The following EIF3L variants were observed in gnomAD, a reference collection of about 807,000 sequenced individuals.
The protein encoded by EIF3L is eIEF associated protein HSPC021.
In EIF3L, 32 loss-of-function variants were observed where a neutral mutation model predicts 74.6. The observed-to-expected ratio is 0.43, with a 90% CI of 0.32 to 0.58. The LOEUF (loss-of-function observed/expected upper bound fraction) is 0.58. Among genes scored for constraint, EIF3L ranks in the 20% least tolerant of loss-of-function variants. The probability of loss-of-function intolerance (pLI) is 0.06; values close to 1 mark genes in which losing one functional copy is unlikely to be tolerated. For missense variants in EIF3L, 474 were observed against 707.8 expected (o/e 0.67, Z 3.75); for synonymous variants, 256 against 254.4 (o/e 1.01, Z -0.06).
At position 37,855,796 on chromosome 22, in the gene EIF3L, C is replaced by T. The variant is rs149343401; in HGVS notation, c.373+152C>T. On this transcript the variant is annotated intron_variant, in intron 4 of 12. Transcript: ENST00000652021. Reference sequence around the variant, plus strand: ...GTAGGTCCTTGGCAAAATAACTTGTCGAAGGCTGGATGATTTAAGAGAGGA... The same window carrying T: ...GTAGGTCCTTGGCAAAATAACTTGTTGAAGGCTGGATGATTTAAGAGAGGA... 298 of 582,466 alleles carry T rather than the reference C, an allele frequency of 5.1e-4. 4 individuals carry two copies. Among genetic ancestry groups the T allele is most frequent in the African/African-American group, 4.4e-3 (240 of 54,082 alleles). 36.1% of individuals were successfully genotyped at this position (582,466 alleles called of 1,614,324 possible).
intron 8 of EIF3L, among the ~76,000 whole-genome samples, 167 bp downstream of exon 8, chr22:37,870,514 G>T (rs1261873538): frequency 2.0e-5 from 3 of 152,156 alleles, no homozygotes; most frequent in African/African-American, 7.2e-5. Context: ...GAGTATTTGT[G>T]CTGGGGGCTC....
Position 37,874,386 on chromosome 22 carries a change from G to C in EIF3L, c.768G>C (p.Val256=), listed in dbSNP as rs1926635744. ...CTCTTTCAGGTGACCCTGAGAGTGT[G>C]GCTGGGGAGTATGGGCGGCACTCCC... ...VYTSGGDPES[V]AGEYGRHSLY... is the part of the protein sequence containing the mutation. The change falls in exon 9 of 13, where the codon GTG becomes GTC. Residue 256 remains valine (V), a synonymous_variant. Transcript: ENST00000652021. 6.2e-7 allele frequency: 1 copy of C among 1,614,086 alleles called. No individual in the cohort carries two copies. The highest frequency in any genetic ancestry group is 8.5e-7 in the Non-Finnish European group (1 of 1,179,980).
intron 3 of EIF3L, among the ~76,000 whole-genome samples, chr22:37,853,440 G>A (rs1042969976): frequency 1.3e-5 from 2 of 152,156 alleles, no homozygotes; most frequent in Admixed American, 6.6e-5. Context: ...TTTATTCCCC[G>A]GGTCTTTTCT....
At position 37,873,696 on chromosome 22, in the gene EIF3L, C is replaced by T. The variant is rs116270905; in HGVS notation, c.752-674C>T. Among the ~76,000 whole-genome samples the T allele has an allele frequency of 2.9e-3, 442 of 152,048 alleles. 1 individual carries two copies. Among genetic ancestry groups the T allele is most frequent in the African/African-American group, 0.01 (419 of 41,478 alleles). On this transcript the variant is annotated intron_variant, in intron 8 of 12. Transcript: ENST00000652021. ...TCTCTCTGTTACCCAGGCCAAAATG[C>T]AGTAGCACTTCCATAGATCTCAGTC...
chr22:37,862,876 T>A, intron 5 of EIF3L, 93 bp from the exon 6 acceptor site: 1 of 898,964 alleles, frequency 1.1e-6, no homozygotes, highest in Non-Finnish European at 1.7e-6. Flanking sequence ...ATACCAATTC[T>A]CTTGTATTTG....
chr22:37,852,720 C>G (rs1465527335), intron 3 of EIF3L, among the ~76,000 whole-genome samples: 2 of 151,962 alleles, frequency 1.3e-5, no homozygotes, highest in African/African-American at 4.8e-5. Context: ...CTCTCGTGAG[C>G]CTAAGTTCTA....
Position 37,888,452 on chromosome 22 carries a change from A to T in EIF3L, c.1683A>T (p.Gly561=), listed in dbSNP as rs1430734617. 2 of 1,613,914 alleles carry T rather than the reference A, an allele frequency of 1.2e-6. No homozygotes were observed. The highest frequency in any genetic ancestry group is 2.2e-5 in the East Asian group (1 of 44,892). The change falls in exon 13 of 13, where the codon GGA becomes GGT. Residue 561 remains glycine, a synonymous_variant. Coordinates refer to ENST00000652021, the MANE Select transcript of EIF3L (RefSeq NM_016091.4). ...TTAATCGAACCCTGAAGAAGATGGG[A>T]CAGAGACCTTGATGATATTCACACA... ...EELNRTLKKM[G]QRP
chr22:37,856,143 C>T (rs1233590036), intron 4 of EIF3L, among the ~76,000 whole-genome samples: 3 of 151,974 alleles, frequency 2.0e-5, no homozygotes, highest in South Asian at 2.1e-4. Context: ...CTGCAACCTC[C>T]GCCTCCCAGG....
At chr22:37,856,397 A>T (rs1925508517) in intron 4 of EIF3L, among the ~76,000 whole-genome samples, 1 of 152,082 alleles carries the variant, frequency 6.6e-6, no homozygotes, top group East Asian at 1.9e-4. Context: ...ATTTTTAAAA[A>T]TTTTTTGTAG....
chr22:37,864,805 C>G (rs1157371907), intron 7 of EIF3L, among the ~76,000 whole-genome samples: 1 of 152,174 alleles, frequency 6.6e-6, no homozygotes, highest in Non-Finnish European at 1.5e-5. Flanking sequence ...TCCCAAAGTG[C>G]TGGGATTACA....
intron 10 of EIF3L, chr22:37,876,891 G>A (rs550358937): frequency 2.0e-5 from 3 of 152,186 alleles, no homozygotes; most frequent in Non-Finnish European, 4.4e-5. Context: ...AGACTTGAAA[G>A]TGTGGTGATG....
rs71195065 is a variant in EIF3L at position 37,868,634 on chromosome 22, C to CTTTTTTT, written c.580-1523_580-1517dup. 3.4e-3 allele frequency among the ~76,000 whole-genome samples: 85 copies of CTTTTTTT among 25,130 alleles called. 24 individuals are homozygous for CTTTTTTT. Among genetic ancestry groups the CTTTTTTT allele is most frequent in the South Asian group, 6.0e-3 (4 of 664 alleles). 16.5% of individuals were successfully genotyped at this position (25,130 alleles called of 152,430 possible). A position where few individuals can be genotyped will look rare whatever the true frequency, so the allele number is the denominator to read the frequency against. On this transcript the variant is annotated intron_variant, in intron 7 of 12. Transcript: ENST00000652021. ...ACACCTGGCTATTTTTGTTTTGGTG[C>CTTTTTTT]TTTTTTTTTTTTTTTTTTTTTTTTT...
At chr22:37,879,130 G>A (rs1190134956) in intron 11 of EIF3L, 1 of 152,124 alleles carries the variant, frequency 6.6e-6, no homozygotes, top group East Asian at 1.9e-4. Flanking sequence ...TTTTAGTAGA[G>A]ACAGGGTTTT....
chr22:37,859,013 C>T (rs183442522), intron 5 of EIF3L, among the ~76,000 whole-genome samples: 27 of 151,786 alleles, frequency 1.8e-4, no homozygotes, highest in African/African-American at 6.3e-4. Context: ...TTATAGGCTG[C>T]CAGCCTCATA....
At chr22:37,857,281 A>C (rs544877200) in intron 4 of EIF3L, among the ~76,000 whole-genome samples, 1 of 148,330 alleles carries the variant, frequency 6.7e-6, no homozygotes, top group African/African-American at 2.5e-5. Context: ...GAGACAGGAG[A>C]ATGGCGTGAA....
At chr22:37,888,242 G>T in intron 12 of EIF3L, 184 bp from the exon 13 acceptor site, 6 of 572,608 alleles carry the variant, frequency 1.0e-5, no homozygotes, top group Non-Finnish European at 1.9e-5. Context: ...AGAATAATCC[G>T]CGTGAACTGT....
chr22:37,853,093 T>C (rs1342872241), intron 3 of EIF3L, among the ~76,000 whole-genome samples: 1 of 152,050 alleles, frequency 6.6e-6, no homozygotes, highest in Non-Finnish European at 1.5e-5. Context: ...AGAATTCGAC[T>C]GAGGGGTAAA....
At chr22:37,861,391 A>T (rs986731561) in intron 5 of EIF3L, among the ~76,000 whole-genome samples, 1 of 152,164 alleles carries the variant, frequency 6.6e-6, no homozygotes, top group Non-Finnish European at 1.5e-5. Flanking sequence ...TCTGATAGAA[A>T]GTAAAGATTC....
At chr22:37,851,154 ATC>A (rs1272917470) in intron 2 of EIF3L, 124 bp from the exon 3 acceptor site, 2 of 670,952 alleles carry the variant, frequency 3.0e-6, no homozygotes, top group East Asian at 2.7e-5. Flanking sequence ...AGATGTTTGT[ATC>A]TCTGAGTATT....
Sources: allele counts gnomAD v4.1 joint callset (sites outside exome capture counted in the v4.1 genomes callset), GRCh38; gene constraint gnomAD v4.1.1; transcripts MANE v1.5; gene names NCBI Gene and HGNC (gene_info 2026-07-23, HGNC 2026-07-21).